SORCS2: variants seen among roughly 807,000 people sequenced by gnomAD.
The protein encoded by SORCS2 is sortilin related VPS10 domain containing receptor 2.
Under a neutral mutation model 141.6 loss-of-function variants are expected in SORCS2, and 100 were observed. That is an observed-to-expected ratio of 0.71 (90% CI 0.60 to 0.83). The LOEUF (loss-of-function observed/expected upper bound fraction) is 0.83, where lower values mean the gene tolerates loss of function less well. Among genes scored for constraint, SORCS2 ranks in the 40% least tolerant of loss-of-function variants. The pLI is 0.00. For missense variants in SORCS2, 1,646 were observed against 1,560.2 expected (o/e 1.05, Z -0.93); for synonymous variants, 789 against 676.9 (o/e 1.17, Z -2.57).
At chr4:7,282,374 G>A (rs762796775) in intron 1 of SORCS2, among the ~76,000 whole-genome samples, 1 of 152,108 alleles carries the variant, frequency 6.6e-6, no homozygotes, top group Non-Finnish European at 1.5e-5. Context: ...TGATGTTTGG[G>A]GAAAATCTCA....
intron 1 of SORCS2, among the ~76,000 whole-genome samples, chr4:7,363,357 A>T (rs1329159516): frequency 2.6e-5 from 4 of 152,164 alleles, no homozygotes; most frequent in South Asian, 2.1e-4. Flanking sequence ...CACCACCATC[A>T]TTACTATCAC....
intron 2 of SORCS2, among the ~76,000 whole-genome samples, chr4:7,504,803 G>A (rs891189972): frequency 6.6e-6 from 1 of 152,236 alleles, no homozygotes; most frequent in Non-Finnish European, 1.5e-5. Context: ...ACCATGGTAT[G>A]TCTGCCACAA....
At chr4:7,579,725 A>T (rs1327289188) in intron 3 of SORCS2, among the ~76,000 whole-genome samples, 3 of 152,186 alleles carry the variant, frequency 2.0e-5, no homozygotes, top group Non-Finnish European at 4.4e-5. Flanking sequence ...CAGTGTGCAG[A>T]GGTGGATGAG....
At chr4:7,524,245 C>T (rs908461595) in intron 2 of SORCS2, among the ~76,000 whole-genome samples, 4 of 152,246 alleles carry the variant, frequency 2.6e-5, no homozygotes, top group East Asian at 3.9e-4. Flanking sequence ...AATGTGAAAT[C>T]GAGGCAGAGA....
chr4:7,299,040 C>T (rs1717260570), intron 1 of SORCS2, among the ~76,000 whole-genome samples: 2 of 152,270 alleles, frequency 1.3e-5, no homozygotes, highest in African/African-American at 4.8e-5. Flanking sequence ...CTGGCCCCGC[C>T]ACCCCCTCTT....
intron 3 of SORCS2, among the ~76,000 whole-genome samples, chr4:7,618,700 A>G (rs1034223870): frequency 6.6e-6 from 1 of 151,420 alleles, no homozygotes; most frequent in Non-Finnish European, 1.5e-5. Flanking sequence ...ATTTTTCCTT[A>G]CCCTCCTTTC....
intron 11 of SORCS2, among the ~76,000 whole-genome samples, chr4:7,696,102 T>C (rs567100954): frequency 1.2e-3 from 182 of 152,312 alleles, no homozygotes; most frequent in African/African-American, 4.2e-3. Context: ...ATTCATCTAT[T>C]TGAGGACAAT....
At chr4:7,651,214 A>T (rs1224851677) in intron 4 of SORCS2, among the ~76,000 whole-genome samples, 1 of 152,084 alleles carries the variant, frequency 6.6e-6, no homozygotes, top group Non-Finnish European at 1.5e-5. Context: ...GGGAAAGGCA[A>T]ACGCGTGTTG....
chr4:7,549,144 C>T (rs1460323675), intron 3 of SORCS2, among the ~76,000 whole-genome samples: 2 of 152,178 alleles, frequency 1.3e-5, no homozygotes, highest in South Asian at 2.1e-4. Flanking sequence ...TGTGTCCCTG[C>T]ATCCACAGAG....
chr4:7,714,404 C>G, intron 16 of SORCS2, 31 bp downstream of exon 16: 1 of 1,543,338 alleles, frequency 6.5e-7, no homozygotes, highest in Non-Finnish European at 8.7e-7. Flanking sequence ...CACGAGGCCT[C>G]AGGCGCTGCT....
intron 3 of SORCS2, among the ~76,000 whole-genome samples, chr4:7,554,467 C>G (rs1479492572): frequency 2.0e-5 from 3 of 152,164 alleles, no homozygotes; most frequent in Non-Finnish European, 4.4e-5. Flanking sequence ...GGCCCTCCCC[C>G]AGAGGCCCTA....
At position 7,718,006 on chromosome 4, in the gene SORCS2, AT is replaced by A. The variant is rs1312519702; in HGVS notation, c.2253-5del. The A allele has an allele frequency of 1.0e-5, 16 of 1,598,918 alleles. No homozygotes were observed. Among genetic ancestry groups the A allele is most frequent in the Non-Finnish European group, 1.4e-5 (16 of 1,172,238 alleles). On this transcript the variant is annotated splice_region_variant and splice_polypyrimidine_tract_variant and intron_variant, in intron 17 of 26. Coordinates refer to ENST00000507866, the MANE Select transcript of SORCS2 (RefSeq NM_020777.3). ...AGCGGACCCTGACCCTCTCTTGTCA[AT>A]CCAGGTACCGGAAAGTGGTGTCCAA...
chr4:7,293,172 C>G (rs962035757), intron 1 of SORCS2, among the ~76,000 whole-genome samples: 2 of 152,034 alleles, frequency 1.3e-5, no homozygotes, highest in Non-Finnish European at 2.9e-5. Context: ...GGCATGGTGG[C>G]GGGCACCTGT....
chr4:7,344,717 C>T (rs1720557960), intron 1 of SORCS2, among the ~76,000 whole-genome samples: 1 of 152,184 alleles, frequency 6.6e-6, no homozygotes, highest in African/African-American at 2.4e-5. Flanking sequence ...CCGTGCTGGA[C>T]AGGAAGCCTG....
At chr4:7,637,967 A>C (rs1275936775) in intron 3 of SORCS2, among the ~76,000 whole-genome samples, 1 of 151,688 alleles carries the variant, frequency 6.6e-6, no homozygotes, top group Admixed American at 6.6e-5. Flanking sequence ...GCACCCCATG[A>C]ATGAACAGAC....
In SORCS2 at chr4:7,335,943, C is replaced by T. The variant is rs192065860; in HGVS notation, c.481-60345C>T. Reference sequence around the variant, plus strand: ...CCAGGGTTAGGGCACAGACCCAGCTCGTGTCTCAGCTCTGCCCCCTCCTGG... The same window carrying T: ...CCAGGGTTAGGGCACAGACCCAGCTTGTGTCTCAGCTCTGCCCCCTCCTGG... On this transcript the variant is annotated intron_variant, in intron 1 of 26. Transcript: ENST00000507866. Among the ~76,000 whole-genome samples the T allele has an allele frequency of 1.6e-3, 251 of 152,304 alleles. 5 individuals carry two copies. Among genetic ancestry groups the T allele is most frequent in the Non-Finnish European group, 2.8e-4 (19 of 68,020 alleles).
chr4:7,503,910 G>A (rs1732123364), intron 2 of SORCS2, among the ~76,000 whole-genome samples: 1 of 152,184 alleles, frequency 6.6e-6, no homozygotes, highest in Admixed American at 6.5e-5. Context: ...GGGGGCTGAG[G>A]TTTTGGTGCC....
intron 3 of SORCS2, among the ~76,000 whole-genome samples, chr4:7,545,852 G>T (rs1281589359): frequency 6.6e-6 from 1 of 152,182 alleles, no homozygotes; most frequent in Non-Finnish European, 1.5e-5. Flanking sequence ...CTCCAAACTG[G>T]GTGACTTAAA....
intron 1 of SORCS2, among the ~76,000 whole-genome samples, chr4:7,246,868 TCTCCACCTCCCCACAGC>T (rs1713132238): frequency 6.6e-6 from 1 of 152,166 alleles, no homozygotes; most frequent in African/African-American, 2.4e-5. Flanking sequence ...CACCAGCAAC[TCTCCACCTCCCCACAGC>T]CTCCTGCCAT....
Sources: gnomAD v4.1 joint callset for allele counts (sites outside exome capture counted in the v4.1 genomes callset) on GRCh38, gnomAD v4.1.1 for gene constraint, MANE v1.5 for transcripts, NCBI Gene and HGNC (gene_info 2026-07-23, HGNC 2026-07-21) for gene names.